Variants in IHO1 observed in about 807,000 individuals in gnomAD.
IHO1 encodes interactor of HORMAD1 1, also known as interactor of HORMAD1 protein 1.
A neutral mutation model predicts 31.0 loss-of-function variants in IHO1; 13 were observed. That is an observed-to-expected ratio of 0.42 (90% CI 0.27 to 0.67). The LOEUF is 0.67. IHO1 is among the 30% of genes least tolerant of loss of function. The pLI is 0.24. For synonymous variants in IHO1, 221 were observed against 248.4 expected (o/e 0.89, Z 1.04); for missense variants, 599 against 687.5 (o/e 0.87, Z 1.44).
intron 2 of IHO1, among the ~76,000 whole-genome samples, chr3:49,216,145 T>C (rs1429543972): frequency 1.3e-5 from 2 of 152,248 alleles, no homozygotes. Context: ...GTATGTGTTT[T>C]AATGCAGCAG....
chr3:49,192,057 C>A, the IHO1 span, among the ~76,000 whole-genome samples: 1 of 152,134 alleles, frequency 6.6e-6, no homozygotes, highest in South Asian at 2.1e-4. Flanking sequence ...CTAATGGATT[C>A]GCAGCCAATG....
At chr3:49,222,061 G>C (rs1053476998) in intron 2 of IHO1, among the ~76,000 whole-genome samples, 3 of 152,192 alleles carry the variant, frequency 2.0e-5, no homozygotes, top group African/African-American at 4.8e-5. Flanking sequence ...ATGCCAAAGA[G>C]TCTATTTGGG....
At chr3:49,243,277 G>A (rs927608743) in intron 4 of IHO1, among the ~76,000 whole-genome samples, 7 of 151,958 alleles carry the variant, frequency 4.6e-5, no homozygotes, top group African/African-American at 1.4e-4. Context: ...CAAGTAGCTG[G>A]GACCACAGGC....
At chr3:49,202,495 TTGTGTGTGTGTGTGTGTGTGTGTGTG>T (rs113425200) in intron 1 of IHO1, among the ~76,000 whole-genome samples, 49 of 129,932 alleles carry the variant, frequency 3.8e-4, no homozygotes, top group Admixed American at 7.1e-4. Context: ...CCGGCTAATT[TTGTGTGTGTGTGTGTGTGTGTGTGTG>T]TGTGTGTGTG....
intron 2 of IHO1, among the ~76,000 whole-genome samples, chr3:49,226,203 AC>A (rs1333413366): frequency 2.6e-5 from 4 of 151,640 alleles, no homozygotes; most frequent in Non-Finnish European, 5.9e-5. Flanking sequence ...CTCTGATCTC[AC>A]TTTTCCTTTT....
rs931879671 is a variant in IHO1 at position 49,211,775 on chromosome 3, T to C, written c.-6T>C. 1 of 1,487,586 alleles carries C rather than the reference T, an allele frequency of 6.7e-7. No individual in the cohort carries two copies. The highest frequency in any genetic ancestry group is 9.4e-7 in the Non-Finnish European group (1 of 1,065,614). The allele number at this position is 1,487,586 out of a possible 1,614,324, so 92.1% of individuals were successfully genotyped here. A position where few individuals can be genotyped will look rare whatever the true frequency, so the allele number is the denominator to read the frequency against. On this transcript the variant is annotated 5_prime_UTR_variant, in exon 2 of 8. Transcript: ENST00000452691. ...CTATTCTTTCTAATAGGTATAACTA[T>C]AAGAAATGAATTTTAATGTCTGGAA... is the stretch of plus-strand genomic sequence containing the variant.
chr3:49,233,677 A>T (rs2046510139), intron 2 of IHO1, among the ~76,000 whole-genome samples: 2 of 152,238 alleles, frequency 1.3e-5, no homozygotes, highest in African/African-American at 4.8e-5. Flanking sequence ...TTTGCAAAAC[A>T]AAAAAGGGGG....
At chr3:49,215,488 C>T (rs990762831) in intron 2 of IHO1, among the ~76,000 whole-genome samples, 1 of 152,096 alleles carries the variant, frequency 6.6e-6, no homozygotes, top group African/African-American at 2.4e-5. Context: ...ATGGTGTTAC[C>T]CATATTATAT....
chr3:49,244,449 C>A lies in IHO1; in HGVS notation c.441C>A (p.Leu147=). The A allele has an allele frequency of 6.4e-7, 1 of 1,555,280 alleles. No homozygotes were observed. Among genetic ancestry groups the A allele is most frequent in the South Asian group, 1.2e-5 (1 of 85,588 alleles). The part of the protein sequence containing the change: ...NFVSNVRESI[L]RLQTSVEKSE... ...TTTCTAATGTTAGAGAAAGCATTCT[C>A]AGGGTAAGTACAGATACTTTTCAAG... The change falls in exon 5 of 8, where the codon CTC becomes CTA. Residue 147 remains leucine (L), a synonymous_variant. Transcript: ENST00000452691.
At chr3:49,193,655 CAAAAAAAAAA>C (rs71077770), upstream of IHO1, among the ~76,000 whole-genome samples, 2 of 25,000 alleles carry the variant, frequency 8.0e-5, no homozygotes, top group African/African-American at 2.0e-4. Context: ...GAGACTCTAC[CAAAAAAAAAA>C]AAAAAAAAAA....
intron 1 of IHO1, among the ~76,000 whole-genome samples, chr3:49,200,218 A>C (rs1429756660): frequency 6.6e-6 from 1 of 152,098 alleles, no homozygotes; most frequent in African/African-American, 2.4e-5. Context: ...CTCACGCCAC[A>C]CTTTGGGAGG....
At chr3:49,194,671 G>A (rs1234477406), upstream of IHO1, among the ~76,000 whole-genome samples, 2 of 147,332 alleles carry the variant, frequency 1.4e-5, no homozygotes, top group Admixed American at 1.3e-4. Flanking sequence ...CGAGGTGGGC[G>A]AATTGCTTCA....
intron 6 of IHO1, chr3:49,245,376 C>CG (rs1559451244): frequency 6.5e-6 from 1 of 152,708 alleles, no homozygotes; most frequent in African/African-American, 2.4e-5. Context: ...TTAGTAGAGA[C>CG]GGGGTTTCAC....
At chr3:49,200,475 A>AAAAAAAAAAAGAAAGAAAGAAAGAAAG (rs1553615439) in intron 1 of IHO1, 1 of 103,858 alleles carries the variant, frequency 9.6e-6, no homozygotes, top group African/African-American at 6.1e-5. Context: ...AAAAAAAAAA[A>AAAAAAAAAAAGAAAGAAAGAAAGAAAG]AAAGAAAGAA....
intron 2 of IHO1, among the ~76,000 whole-genome samples, chr3:49,229,224 A>G (rs756949512): frequency 5.3e-5 from 8 of 152,222 alleles, no homozygotes; most frequent in Non-Finnish European, 1.2e-4. Context: ...AGTCCCCACT[A>G]GACCCAGGAA....
intron 1 of IHO1, among the ~76,000 whole-genome samples, chr3:49,203,111 C>T (rs975058547): frequency 4.6e-5 from 7 of 152,164 alleles, no homozygotes; most frequent in South Asian, 2.1e-4. Flanking sequence ...AGACAATCCT[C>T]CTGCCTCAGC....
chr3:49,191,508 T>G, the IHO1 span, among the ~76,000 whole-genome samples: 1 of 152,118 alleles, frequency 6.6e-6, no homozygotes, highest in African/African-American at 2.4e-5. Context: ...GCTAGAGGAC[T>G]AGGAATTTCC....
At chr3:49,193,759 C>T (rs1319536578), upstream of IHO1, among the ~76,000 whole-genome samples, 1 of 148,288 alleles carries the variant, frequency 6.7e-6, no homozygotes, top group Non-Finnish European at 1.5e-5. Flanking sequence ...GTTAGCAGTT[C>T]GAGACCAGCC....
chr3:49,218,263 C>A (rs551605960), intron 2 of IHO1, among the ~76,000 whole-genome samples: 1 of 151,462 alleles, frequency 6.6e-6, no homozygotes, highest in South Asian at 2.1e-4. Context: ...AGCTCCGGCT[C>A]TCTCTCTCTC....
Sources: gnomAD v4.1 joint callset for allele counts (sites outside exome capture counted in the v4.1 genomes callset) on GRCh38, gnomAD v4.1.1 for gene constraint, MANE v1.5 for transcripts, NCBI Gene and HGNC (gene_info 2026-07-23, HGNC 2026-07-21) for gene names.